SLC45A4: variants seen among roughly 807,000 people sequenced by gnomAD.
The protein encoded by SLC45A4 is solute carrier family 45 member 4.
SLC45A4 carries 32 observed loss-of-function variants against 63.7 expected under a neutral mutation model. That is an observed-to-expected ratio of 0.50 (90% CI 0.38 to 0.67). The LOEUF is 0.67. Among genes scored for constraint, SLC45A4 ranks in the 30% least tolerant of loss-of-function variants. The probability of loss-of-function intolerance (pLI) is 0.00; values close to 1 mark genes in which losing one functional copy is unlikely to be tolerated. For missense variants in SLC45A4, 1,027 were observed against 1,157.7 expected, an observed-to-expected ratio of 0.89 and a Z score of 1.64; for synonymous variants, 535 against 510.0, an observed-to-expected ratio of 1.05 and a Z score of -0.66.
intron 1 of SLC45A4, among the ~76,000 whole-genome samples, chr8:141,286,282 G>C (rs763796923): frequency 2.6e-4 from 40 of 152,124 alleles, no homozygotes; most frequent in Non-Finnish European, 2.9e-4. Context: ...GGGCGGTGGT[G>C]GTTTACTGCA....
In SLC45A4 at chr8:141,215,387, G is replaced by T. The variant is rs1826078844; in HGVS notation, c.1941+372C>A. On this transcript the variant is annotated intron_variant, in intron 7 of 8. Transcript: ENST00000517878. This position sits in a 1 kb window ranked among gnomAD's most constrained non-coding sequence, Gnocchi z 4.3. ...TTTCACTTTCTAAACGTGGCCGCCA[G>T]GAAGTCTAGGCATACCTGGGTGGCT... Among the ~76,000 whole-genome samples the T allele has an allele frequency of 6.6e-6, 1 of 152,234 alleles. No individual in the cohort carries two copies. The highest frequency in any genetic ancestry group is 1.9e-4 in the East Asian group (1 of 5,192).
In SLC45A4 at chr8:141,218,609, G is replaced by C. The variant is rs779238287; in HGVS notation, c.1031C>G (p.Pro344Arg). 5 of 1,613,294 alleles carry C rather than the reference G, an allele frequency of 3.1e-6. No individual in the cohort carries two copies. The highest frequency in any genetic ancestry group is 1.7e-5 in the Admixed American group (1 of 60,010). Reference protein sequence around the residue: ...IFHDASYPATPRSTSQELAKT... With the variant: ...IFHDASYPATRRSTSQELAKT... ...GGCGAGCTCCTGGCTGGTGCTGCGG[G>C]GGGTGGCGGGGTAGGAGGCGTCGTG... Residue 344 changes from proline (P) to arginine (R), a missense_variant, in exon 5 of 9, where the codon CCC becomes CGC. Pro to Arg is a moderately radical substitution (Grantham distance 103, BLOSUM62 -2). Coordinates refer to ENST00000517878, the MANE Select transcript of SLC45A4 (RefSeq NM_001286646.2).
rs376920604 is a variant in SLC45A4 at position 141,288,367 on chromosome 8, T to A, written c.-401+19729A>T. 7.2e-5 allele frequency among the ~76,000 whole-genome samples: 11 copies of A among 152,206 alleles called. No homozygotes were observed. In the East Asian group the frequency reaches 1.5e-3, roughly 21 times the overall value. ...GCACTTAGGGGTGTTCAAGCTCACG[T>A]CCAGTAAGAGAAATGCAAATTGCAA... is the stretch of plus-strand genomic sequence containing the variant. On this transcript the variant is annotated intron_variant, in intron 1 of 8. Transcript: ENST00000517878.
intron 1 of SLC45A4, among the ~76,000 whole-genome samples, chr8:141,303,489 T>C (rs1830812041): frequency 1.3e-5 from 2 of 152,118 alleles, no homozygotes; most frequent in South Asian, 4.1e-4. Context: ...AAAAGTATAA[T>C]GACCACCACA....
chr8:141,287,451 G>A (rs1372465441), intron 1 of SLC45A4, among the ~76,000 whole-genome samples: 2 of 152,094 alleles, frequency 1.3e-5, no homozygotes, highest in African/African-American at 2.4e-5. Flanking sequence ...GCCACAGACC[G>A]GCCTTCTCCC....
At chr8:141,264,536 T>C (rs568594120) in intron 1 of SLC45A4, among the ~76,000 whole-genome samples, 1 of 152,320 alleles carries the variant, frequency 6.6e-6, no homozygotes, top group South Asian at 2.1e-4. Flanking sequence ...AAGAACTTTA[T>C]GAGCACGTGA....
intron 1 of SLC45A4, among the ~76,000 whole-genome samples, chr8:141,275,104 G>GA (rs1554600571): frequency 6.6e-6 from 1 of 152,204 alleles, no homozygotes; most frequent in Non-Finnish European, 1.5e-5. Context: ...GAAAACCCAC[G>GA]AAACATCTCC....
chr8:141,290,450 T>C (rs1030503371), intron 1 of SLC45A4, among the ~76,000 whole-genome samples: 2 of 152,238 alleles, frequency 1.3e-5, no homozygotes, highest in Non-Finnish European at 2.9e-5. Context: ...TGGACAACCT[T>C]GACTTTCCGT....
At chr8:141,285,471 G>A (rs972664931) in intron 1 of SLC45A4, among the ~76,000 whole-genome samples, 1 of 152,204 alleles carries the variant, frequency 6.6e-6, no homozygotes, top group African/African-American at 2.4e-5. Context: ...GTCACGGTGT[G>A]TCATGTTTTT....
intron 1 of SLC45A4, among the ~76,000 whole-genome samples, chr8:141,265,745 T>C (rs916420610): frequency 1.3e-5 from 2 of 152,290 alleles, no homozygotes; most frequent in South Asian, 4.1e-4. Context: ...AAAGTTAAGC[T>C]GTGACCTGTT....
At chr8:141,245,508 C>T (rs1447781733) in intron 2 of SLC45A4, among the ~76,000 whole-genome samples, 1 of 152,158 alleles carries the variant, frequency 6.6e-6, no homozygotes, top group Non-Finnish European at 1.5e-5. Flanking sequence ...CTGCTTGCCT[C>T]CCCCAGGGCT....
rs1826363881 is a variant in SLC45A4 at position 141,218,646 on chromosome 8, G to A, written c.994C>T (p.Pro332Ser). 6.2e-7 allele frequency: 1 copy of A among 1,613,352 alleles called. No individual in the cohort carries two copies. Among genetic ancestry groups the A allele is most frequent in the South Asian group, 1.1e-5 (1 of 91,070 alleles). Residue 332 changes from proline to serine, a missense_variant, in exon 5 of 9, where the codon CCC (proline) becomes TCC (serine). Pro to Ser is a moderately conservative substitution (Grantham distance 74). Coordinates refer to ENST00000517878, the MANE Select transcript of SLC45A4 (RefSeq NM_001286646.2). ...TAGGAGGCGTCGTGGAAGATGGAGG[G>A]CTCGATGTCGTGCAGGAACAGCAGC... ...PELLFLHDIE[P>S]SIFHDASYPA...
In SLC45A4 at chr8:141,278,771, C is replaced by A. The variant is rs1048077686; in HGVS notation, c.-400-24142G>T. ...ACGTCTCAACAAGGCACAGACGCAC[C>A]CGCAAGGGAGTGGGCAGCACTGCAG... is the stretch of plus-strand genomic sequence containing the variant. On this transcript the variant is annotated intron_variant, in intron 1 of 8. Coordinates refer to ENST00000517878, the MANE Select transcript of SLC45A4 (RefSeq NM_001286646.2). The surrounding 1 kb of genome is among the most constrained non-coding windows in gnomAD (Gnocchi z 4.1). Among the ~76,000 whole-genome samples, 2 of 152,268 alleles carry A rather than the reference C, an allele frequency of 1.3e-5. No homozygotes were observed. Among genetic ancestry groups the A allele is most frequent in the African/African-American group, 4.8e-5 (2 of 41,476 alleles).
At chr8:141,241,221 C>A (rs1015934125) in intron 2 of SLC45A4, among the ~76,000 whole-genome samples, 1 of 152,390 alleles carries the variant, frequency 6.6e-6, no homozygotes, top group South Asian at 2.1e-4. Context: ...AGTGGCTCTG[C>A]GGGCAGGCGG....
intron 2 of SLC45A4, among the ~76,000 whole-genome samples, chr8:141,236,146 T>C (rs1488390214): frequency 6.6e-6 from 1 of 152,108 alleles, no homozygotes; most frequent in Non-Finnish European, 1.5e-5. Flanking sequence ...GTGCCTGGAT[T>C]CTCCCCTGCC....
intron 1 of SLC45A4, among the ~76,000 whole-genome samples, chr8:141,300,888 G>A (rs1346139566): frequency 1.3e-5 from 2 of 152,236 alleles, no homozygotes; most frequent in Non-Finnish European, 2.9e-5. Context: ...AGCTTAACAT[G>A]GAGCAGCACG....
At chr8:141,220,711 C>T (rs1283624376) in intron 3 of SLC45A4, among the ~76,000 whole-genome samples, 3 of 152,230 alleles carry the variant, frequency 2.0e-5, no homozygotes, top group African/African-American at 7.2e-5. Context: ...AGACCACGGG[C>T]AGGCGACGGC....
In SLC45A4 at chr8:141,207,666, C is replaced by T. The variant is rs1329821948; in HGVS notation, c.*3906G>A. 2.6e-5 allele frequency: 4 copies of T among 152,270 alleles called. No homozygotes were observed. The highest frequency in any genetic ancestry group is 4.4e-5 in the Non-Finnish European group (3 of 68,066). The allele number at this position is 152,270 out of a possible 1,614,324, so 9.4% of individuals were successfully genotyped here. A position where few individuals can be genotyped will look rare whatever the true frequency, so the allele number is the denominator to read the frequency against. The stretch of plus-strand genomic sequence containing the variant: ...TCATTCTGTCACCAGGGGATGGTCT[C>T]AGTCCACGGCACAGAGCGACGTGCC... On this transcript the variant is annotated 3_prime_UTR_variant, in exon 9 of 9. Transcript: ENST00000517878.
chr8:141,288,215 C>T (rs533132875), intron 1 of SLC45A4, among the ~76,000 whole-genome samples: 28 of 152,306 alleles, frequency 1.8e-4, no homozygotes, highest in African/African-American at 4.1e-4. Context: ...TTCATATTCA[C>T]GCTGCCCTTC....
Sources: allele counts gnomAD v4.1 joint callset (sites outside exome capture counted in the v4.1 genomes callset), GRCh38; gene constraint gnomAD v4.1.1; non-coding constraint Gnocchi (gnomAD v3.1); transcripts MANE v1.5; gene names NCBI Gene and HGNC (gene_info 2026-07-23, HGNC 2026-07-21).